PLEKHA6: variants seen among roughly 807,000 people sequenced by gnomAD.
The protein encoded by PLEKHA6 is pleckstrin homology domain-containing family A member 6.
PLEKHA6 carries 60 observed loss-of-function variants against 116.7 expected under a neutral mutation model. The observed-to-expected ratio is 0.51, with a 90% CI of 0.42 to 0.64. PLEKHA6 has a LOEUF of 0.64. PLEKHA6 is among the 30% of genes least tolerant of loss of function. PLEKHA6 has a pLI of 0.00. For missense variants in PLEKHA6, 1,338 were observed against 1,422.7 expected, an observed-to-expected ratio of 0.94 and a Z score of 0.96; for synonymous variants, 489 against 556.1, an observed-to-expected ratio of 0.88 and a Z score of 1.70.
At chr1:204,299,128 T>G (rs1400858520) in intron 1 of PLEKHA6, among the ~76,000 whole-genome samples, 1 of 152,178 alleles carries the variant, frequency 6.6e-6, no homozygotes, top group Non-Finnish European at 1.5e-5. Flanking sequence ...CTTTGAGTAG[T>G]CAGTAACTTG....
At chr1:204,334,447 G>T (rs1672568259) in intron 1 of PLEKHA6, among the ~76,000 whole-genome samples, 1 of 152,116 alleles carries the variant, frequency 6.6e-6, no homozygotes, top group African/African-American at 2.4e-5. Flanking sequence ...TTCCAAACTT[G>T]GTCTTTTTCT....
chr1:204,273,698 C>A lies in PLEKHA6; in HGVS notation c.30G>T (p.Pro10=). The change falls in exon 3 of 23, where the codon CCG becomes CCT. Residue 10 remains proline (P), a synonymous_variant. Transcript: ENST00000272203. ...TGGGTATGTCACTGTTGGTGGTAGC[C>A]GGGCGTTTCCCACCTGTTTTATTGG... MSNKTGGKR[P]ATTNSDIPNH... is the part of the protein sequence containing the mutation. 2 of 1,614,108 alleles carry A rather than the reference C, an allele frequency of 1.2e-6. No homozygotes were observed. Among genetic ancestry groups the A allele is most frequent in the Non-Finnish European group, 1.7e-6 (2 of 1,179,996 alleles).
At chr1:204,367,387 C>T (rs1482140183) in intron 3 of PLEKHA6, among the ~76,000 whole-genome samples, 1 of 152,232 alleles carries the variant, frequency 6.6e-6, no homozygotes, top group Non-Finnish European at 1.5e-5. Flanking sequence ...GTCTGATGTC[C>T]TCCTTCGTAC....
At chr1:204,245,261 A>T (rs532170657) in intron 14 of PLEKHA6, among the ~76,000 whole-genome samples, 1 of 151,966 alleles carries the variant, frequency 6.6e-6, no homozygotes, top group Non-Finnish European at 1.5e-5. Flanking sequence ...TGTCAAGGAA[A>T]GCCAGTCTGA....
intron 1 of PLEKHA6, among the ~76,000 whole-genome samples, chr1:204,279,746 C>A (rs1668404197): frequency 1.3e-5 from 2 of 152,154 alleles, no homozygotes; most frequent in South Asian, 4.1e-4. Flanking sequence ...CATGGCAGGA[C>A]CAAACATTCA....
At chr1:204,329,732 C>T (rs1672379535) in intron 1 of PLEKHA6, among the ~76,000 whole-genome samples, 1 of 152,068 alleles carries the variant, frequency 6.6e-6, no homozygotes, top group Admixed American at 6.6e-5. Flanking sequence ...TGCAATCAGC[C>T]AAATCCAGAA....
In PLEKHA6 at chr1:204,259,863, T is replaced by G; in HGVS notation, c.525-123A>C. ...GGCAGGGAGGTGGCTGGAACCAGGATTCTATGAACTCCAGTTCTGCTTCCT... is the reference window on the plus strand; with the variant it reads ...GGCAGGGAGGTGGCTGGAACCAGGAGTCTATGAACTCCAGTTCTGCTTCCT... On this transcript the variant is annotated intron_variant, in intron 7 of 22. Transcript: ENST00000272203. The surrounding 1 kb of genome is among the most constrained non-coding windows in gnomAD (Gnocchi z 4.6). 1.0e-6 allele frequency: 1 copy of G among 986,356 alleles called. No homozygotes were observed. The highest frequency in any genetic ancestry group is 1.7e-5 in the South Asian group (1 of 59,068). The allele number at this position is 986,356 out of a possible 1,614,324, so 61.1% of individuals were successfully genotyped here.
chr1:204,260,340 C>T (rs557415697), intron 7 of PLEKHA6, among the ~76,000 whole-genome samples: 1 of 152,314 alleles, frequency 6.6e-6, no homozygotes, highest in Non-Finnish European at 1.5e-5. Flanking sequence ...CTCACAAGCA[C>T]ATAAACACGC....
At position 204,249,231 on chromosome 1, in the gene PLEKHA6, C is replaced by A. The variant is rs1260574532; in HGVS notation, c.1627G>T (p.Val543Leu). The A allele has an allele frequency of 6.2e-7, 1 of 1,613,996 alleles. No homozygotes were observed. The highest frequency in any genetic ancestry group is 1.7e-5 in the Admixed American group (1 of 60,028). ...LLGKLCEQNK[V>L]VREQDRLVQQ... Reference sequence around the variant, plus strand: ...ACCAGCCGGTCCTGCTCCCTCACCACCTTGTTCTGCTCACACAATTTTCCC... The same window carrying A: ...ACCAGCCGGTCCTGCTCCCTCACCAACTTGTTCTGCTCACACAATTTTCCC... Residue 543 changes from valine to leucine, a missense_variant, in exon 11 of 23, where the codon GTG becomes TTG. Physicochemically the swap from Val to Leu is conservative, Grantham distance 32. This residue lies in a region of PLEKHA6 where 1,136 missense variants were observed against 1,163.6 expected (regional missense o/e 0.98). Coordinates refer to ENST00000272203, the MANE Select transcript of PLEKHA6 (RefSeq NM_014935.5).
intron 17 of PLEKHA6, among the ~76,000 whole-genome samples, chr1:204,234,957 T>G (rs1159421351): frequency 1.0e-3 from 1 of 984 alleles, no homozygotes; most frequent in East Asian, 0.018. Context: ...CTGCCCTTTA[T>G]ATATATATAT....
intron 15 of PLEKHA6, 97 bp downstream of exon 15, chr1:204,244,767 G>T: frequency 3.2e-6 from 3 of 946,332 alleles, no homozygotes; most frequent in Non-Finnish European, 4.5e-6. Flanking sequence ...CTGGAGGCCT[G>T]TGGGGAAGAG....
Position 204,228,240 on chromosome 1 carries a change from C to T in PLEKHA6, c.2886-12G>A, listed in dbSNP as rs1390308611. Reference sequence around the variant, plus strand: ...CCACGTTCTGCATACTGAAGAGGCACAGACACACAGAAATGGAGGGAGGGA... The same window carrying T: ...CCACGTTCTGCATACTGAAGAGGCATAGACACACAGAAATGGAGGGAGGGA... On this transcript the variant is annotated splice_polypyrimidine_tract_variant and intron_variant, in intron 20 of 22. Transcript: ENST00000272203. The surrounding 1 kb of genome is among the most constrained non-coding windows in gnomAD (Gnocchi z 4.0). 6.3e-7 allele frequency: 1 copy of T among 1,582,380 alleles called. No individual in the cohort carries two copies. The highest frequency in any genetic ancestry group is 8.6e-7 in the Non-Finnish European group (1 of 1,159,882).
At chr1:204,272,260 G>A (rs959211653) in intron 3 of PLEKHA6, among the ~76,000 whole-genome samples, 1 of 152,086 alleles carries the variant, frequency 6.6e-6, no homozygotes, top group East Asian at 1.9e-4. Context: ...GTTTCAGGAA[G>A]AGGTGGCTTT....
chr1:204,281,570 A>G (rs1377183556), intron 1 of PLEKHA6, among the ~76,000 whole-genome samples: 3 of 152,026 alleles, frequency 2.0e-5, no homozygotes, highest in Non-Finnish European at 4.4e-5. Context: ...CTAAAAAACA[A>G]CAGAGCAAGA....
In PLEKHA6 at chr1:204,259,830, G is replaced by A; in HGVS notation, c.525-90C>T. 1 of 1,393,584 alleles carries A rather than the reference G, an allele frequency of 7.2e-7. No individual in the cohort carries two copies. The highest frequency in any genetic ancestry group is 1.4e-5 in the South Asian group (1 of 71,490). 86.3% of individuals were successfully genotyped at this position (1,393,584 alleles called of 1,614,324 possible). A position where few individuals can be genotyped will look rare whatever the true frequency, so the allele number is the denominator to read the frequency against. On this transcript the variant is annotated intron_variant, in intron 7 of 22. Coordinates refer to ENST00000272203, the MANE Select transcript of PLEKHA6 (RefSeq NM_014935.5). This position sits in a 1 kb window ranked among gnomAD's most constrained non-coding sequence, Gnocchi z 4.6. The stretch of plus-strand genomic sequence containing the variant: ...CCAGACTGGGAAGAAGAGGAGTGGG[G>A]AAGGATGGGCAGGGAGGTGGCTGGA...
chr1:204,347,850 A>C (rs1401448383), intron 1 of PLEKHA6, among the ~76,000 whole-genome samples: 3 of 152,104 alleles, frequency 2.0e-5, no homozygotes, highest in African/African-American at 7.2e-5. Context: ...TGCAGAGATT[A>C]GGGGTTCCTA....
chr1:204,316,857 G>T (rs1671878739), intron 1 of PLEKHA6, among the ~76,000 whole-genome samples: 1 of 152,192 alleles, frequency 6.6e-6, no homozygotes, highest in African/African-American at 2.4e-5. Context: ...TCACCCTACT[G>T]GTATTTTACC....
intron 1 of PLEKHA6, among the ~76,000 whole-genome samples, chr1:204,332,207 C>T (rs1361217845): frequency 1.3e-5 from 2 of 152,142 alleles, no homozygotes; most frequent in Non-Finnish European, 2.9e-5. Context: ...TGTGCTTGTT[C>T]CATATTCATG....
At chr1:204,245,832 G>A in intron 13 of PLEKHA6, 106 bp from the exon 14 acceptor site, 1 of 713,258 alleles carries the variant, frequency 1.4e-6, no homozygotes, top group Non-Finnish European at 2.5e-6. Context: ...GCCAGCAGGA[G>A]GCAGGCACCC....
Sources: allele counts gnomAD v4.1 joint callset (sites outside exome capture counted in the v4.1 genomes callset), GRCh38; gene constraint gnomAD v4.1.1; regional missense constraint gnomAD v4.1.1; non-coding constraint Gnocchi (gnomAD v3.1); transcripts MANE v1.5; gene names NCBI Gene and HGNC (gene_info 2026-07-23, HGNC 2026-07-21).